Variants in KAZN observed in about 807,000 individuals in gnomAD.
KAZN encodes the protein kazrin.
Under a neutral mutation model 87.4 loss-of-function variants are expected in KAZN, and 40 were observed. The observed-to-expected ratio is 0.46, with a 90% CI of 0.36 to 0.60. The LOEUF is 0.60. Among genes scored for constraint, KAZN ranks in the 20% least tolerant of loss-of-function variants. The pLI is 0.00. For missense variants in KAZN, 898 were observed against 1,073.9 expected (o/e 0.84, Z 2.29); for synonymous variants, 466 against 458.3 (o/e 1.02, Z -0.22).
intron 3 of KAZN, among the ~76,000 whole-genome samples, chr1:15,040,851 C>T (rs950708190): frequency 9.2e-5 from 14 of 152,054 alleles, no homozygotes; most frequent in Non-Finnish European, 1.8e-4. Context: ...GAAAGCTGTG[C>T]CAAATGCACT....
rs1339849098 is a variant in KAZN, at chr1:15,069,201, C to A, written c.1222+3448C>A. Among the ~76,000 whole-genome samples, 17 of 152,124 alleles carry A rather than the reference C, an allele frequency of 1.1e-4. 1 individual carries two copies. Among genetic ancestry groups the A allele is most frequent in the Admixed American group, 1.0e-3 (16 of 15,268 alleles). On this transcript the variant is annotated intron_variant, in intron 8 of 14. Transcript: ENST00000376030. Reference sequence around the variant, plus strand: ...TCTCCCTGGCCCCATGCAGACATCACCAATCAATTGAAGAGCCCTTCCTGC... The same window carrying A: ...TCTCCCTGGCCCCATGCAGACATCAACAATCAATTGAAGAGCCCTTCCTGC...
At chr1:14,723,096 G>A (rs1273334347) in intron 1 of KAZN, among the ~76,000 whole-genome samples, 1 of 151,936 alleles carries the variant, frequency 6.6e-6, no homozygotes, top group Non-Finnish European at 1.5e-5. Flanking sequence ...ACTGCACTCT[G>A]GTCTGGGTGA....
At position 14,110,027 on chromosome 1, in the gene KAZN, T is replaced by C. The variant is rs924150230; in HGVS notation, c.92-70408T>C. ...GATCCTGGTGTTTCACTCCACATAT[T>C]GAATAAGCAAAGCAATAATATGTTG... On this transcript the variant is annotated intron_variant, in intron 1 of 16. Coordinates refer to the KAZN transcript ENST00000636203. Among the ~76,000 whole-genome samples, 2 of 134,938 alleles carry C rather than the reference T, an allele frequency of 1.5e-5. 1 individual carries two copies. The highest frequency in any genetic ancestry group is 3.2e-5 in the Non-Finnish European group (2 of 62,998). The allele number at this position is 134,938 out of a possible 152,430, so 88.5% of individuals were successfully genotyped here.
intron 1 of KAZN, among the ~76,000 whole-genome samples, chr1:13,931,952 C>G (rs1363428063): frequency 6.6e-6 from 1 of 151,956 alleles, no homozygotes; most frequent in Non-Finnish European, 1.5e-5. Context: ...ATTCTCCTGC[C>G]TCAACCTCCC....
intron 1 of KAZN, chr1:14,692,312 AT>A: frequency 2.0e-6 from 1 of 498,350 alleles, no homozygotes. Context: ...TAATGGCATA[AT>A]TTTCACCATC....
chr1:14,720,953 A>G (rs1643067181), intron 1 of KAZN, among the ~76,000 whole-genome samples: 1 of 152,128 alleles, frequency 6.6e-6, no homozygotes, highest in Admixed American at 6.5e-5. Context: ...GTTTGCCATC[A>G]GGTGACCTGA....
At chr1:13,981,087 C>CTT (rs202111148) in intron 1 of KAZN, among the ~76,000 whole-genome samples, 17 of 8,298 alleles carry the variant, frequency 2.0e-3, no homozygotes, top group Middle Eastern at 0.14. Context: ...AAAAATTACT[C>CTT]TTTATATATA....
intron 1 of KAZN, among the ~76,000 whole-genome samples, chr1:14,093,474 C>T (rs1644054910): frequency 6.6e-6 from 1 of 152,168 alleles, no homozygotes; most frequent in South Asian, 2.1e-4. Flanking sequence ...TAAATAGTTA[C>T]TAAATTAAAT....
In KAZN at chr1:14,476,487, T is replaced by C. The variant is rs75091848; in HGVS notation, c.250-122496T>C. 2.6e-3 allele frequency among the ~76,000 whole-genome samples: 393 copies of C among 152,252 alleles called. 2 individuals carry two copies. The highest frequency in any genetic ancestry group is 9.2e-3 in the African/African-American group (383 of 41,552). On this transcript the variant is annotated intron_variant, in intron 2 of 16. Transcript: ENST00000636203. ...GTTTCCCCACCCAGTGCTCTGCAGA[T>C]CGTGGGATTTCTATCAGAAGACAGA...
At chr1:14,312,412 C>T (rs1280247479) in intron 2 of KAZN, among the ~76,000 whole-genome samples, 1 of 152,070 alleles carries the variant, frequency 6.6e-6, no homozygotes, top group African/African-American at 2.4e-5. Flanking sequence ...ATAGATACAA[C>T]CATTCTAGGA....
In KAZN at chr1:14,702,248, C is replaced by A. The variant is rs144704979; in HGVS notation, c.226+103025C>A. 5.9e-3 allele frequency among the ~76,000 whole-genome samples: 894 copies of A among 151,900 alleles called. 9 individuals carry two copies. Among genetic ancestry groups the A allele is most frequent in the African/African-American group, 0.02 (821 of 41,400 alleles). ...CAGCTCAGGAGGTTGAAGAAGCAAA[C>A]CTCCGTGCAGGAGTTCTGAACTTAG... On this transcript the variant is annotated intron_variant, in intron 1 of 14. Coordinates refer to ENST00000376030, the MANE Select transcript of KAZN (RefSeq NM_201628.3).
At chr1:14,993,469 CA>C (rs796085497) in intron 2 of KAZN, among the ~76,000 whole-genome samples, 31 of 145,978 alleles carry the variant, frequency 2.1e-4, no homozygotes, top group South Asian at 2.2e-4. Context: ...AACTCCATCT[CA>C]AAAAAAAAAA....
intron 2 of KAZN, among the ~76,000 whole-genome samples, chr1:14,321,620 T>A (rs982237476): frequency 3.3e-5 from 5 of 152,176 alleles, no homozygotes; most frequent in Non-Finnish European, 7.3e-5. Flanking sequence ...ATTTGTTTGA[T>A]CAGAAAATGA....
intron 2 of KAZN, among the ~76,000 whole-genome samples, chr1:14,343,259 T>C (rs1657874480): frequency 6.6e-6 from 1 of 152,100 alleles, no homozygotes; most frequent in Non-Finnish European, 1.5e-5. Context: ...TGGGAGAGCA[T>C]TGATAGTTGA....
intron 2 of KAZN, among the ~76,000 whole-genome samples, chr1:14,966,635 T>G (rs1664483542): frequency 6.6e-6 from 1 of 152,232 alleles, no homozygotes; most frequent in Admixed American, 6.5e-5. Flanking sequence ...TAAAATCCAC[T>G]GGTCTAATTT....
chr1:15,103,915 G>T, intron 12 of KAZN, 108 bp from the exon 13 acceptor site: 1 of 1,137,498 alleles, frequency 8.8e-7, no homozygotes, highest in Non-Finnish European at 1.2e-6. Flanking sequence ...TGGTCCCCAG[G>T]GGGTCAAGCC....
chr1:14,651,426 G>A (rs1638367407), intron 1 of KAZN, among the ~76,000 whole-genome samples: 1 of 152,134 alleles, frequency 6.6e-6, no homozygotes, highest in Non-Finnish European at 1.5e-5. Flanking sequence ...CTGGTATTTA[G>A]CAGGGATCAG....
intron 5 of KAZN, among the ~76,000 whole-genome samples, chr1:15,058,000 C>A (rs1415684724): frequency 6.6e-6 from 1 of 152,232 alleles, no homozygotes; most frequent in East Asian, 1.9e-4. Context: ...TCACATACAA[C>A]CATCTCCATG....
chr1:14,055,366 G>A (rs1166832614), intron 1 of KAZN, among the ~76,000 whole-genome samples: 1 of 152,188 alleles, frequency 6.6e-6, no homozygotes, highest in Non-Finnish European at 1.5e-5. Flanking sequence ...ATTTAGAATA[G>A]ACCCAGAGTC....
Sources: gnomAD v4.1 joint callset for allele counts (sites outside exome capture counted in the v4.1 genomes callset) on GRCh38, gnomAD v4.1.1 for gene constraint, MANE v1.5 for transcripts, NCBI Gene and HGNC (gene_info 2026-07-23, HGNC 2026-07-21) for gene names.